The following CCDC7 variants were observed in gnomAD, a reference collection of about 807,000 sequenced individuals.
The protein encoded by CCDC7 is coiled-coil domain-containing protein 7.
CCDC7 carries 183 observed loss-of-function variants against 196.9 expected under a neutral mutation model. The observed-to-expected ratio is 0.93, with a 90% CI of 0.82 to 1.05. The LOEUF is 1.05. Among genes scored for constraint, CCDC7 ranks in the 50% least tolerant of loss-of-function variants. The pLI, the probability that CCDC7 is intolerant of heterozygous loss-of-function variation, is 0.00. For synonymous variants in CCDC7, 525 were observed against 484.6 expected (o/e 1.08, Z -1.10); for missense variants, 1,540 against 1,482.2 (o/e 1.04, Z -0.64).
intron 9 of CCDC7, among the ~76,000 whole-genome samples, chr10:32,509,507 A>C (rs559124747): frequency 8.7e-4 from 101 of 115,932 alleles, no homozygotes; most frequent in African/African-American, 3.0e-3. Flanking sequence ...ATTTTTTTGG[A>C]CATTACACCA....
chr10:32,794,770 G>A (rs1047488986), intron 29 of CCDC7, among the ~76,000 whole-genome samples: 1 of 152,080 alleles, frequency 6.6e-6, no homozygotes, highest in African/African-American at 2.4e-5. Flanking sequence ...TTTTAATGGG[G>A]TTATTTGCTT....
chr10:32,786,161 T>C (rs2081837647), intron 29 of CCDC7, among the ~76,000 whole-genome samples: 2 of 152,182 alleles, frequency 1.3e-5, no homozygotes, highest in African/African-American at 2.4e-5. Flanking sequence ...ACATGAGCTT[T>C]AAGTAACAGA....
At chr10:32,762,986 A>G (rs1225108355) in intron 28 of CCDC7, among the ~76,000 whole-genome samples, 1 of 151,932 alleles carries the variant, frequency 6.6e-6, no homozygotes, top group Non-Finnish European at 1.5e-5. Flanking sequence ...AGAGCACAGG[A>G]CACAAAAGCA....
intron 30 of CCDC7, 40 bp from the exon 32 acceptor site, chr10:32,814,330 G>T (rs1216785391): frequency 3.8e-6 from 5 of 1,301,114 alleles, no homozygotes; most frequent in Non-Finnish European, 4.5e-6. Context: ...GTGTATAAAT[G>T]ATTACCTTAC....
chr10:32,673,654 C>CGT (rs71027102), intron 21 of CCDC7, among the ~76,000 whole-genome samples: 1,510 of 148,010 alleles, frequency 0.01, 30 homozygotes, highest in African/African-American at 0.033. Flanking sequence ...CCATTGTGCA[C>CGT]GTGTGTGTGT....
intron 31 of CCDC7, among the ~76,000 whole-genome samples, chr10:32,820,961 CAA>C (rs921622263): frequency 6.6e-6 from 1 of 152,088 alleles, no homozygotes; most frequent in Admixed American, 6.5e-5. Flanking sequence ...CCTAAATTGA[CAA>C]ATGGGATCTA....
At chr10:32,762,230 A>G (rs957565261) in intron 28 of CCDC7, among the ~76,000 whole-genome samples, 3 of 151,858 alleles carry the variant, frequency 2.0e-5, no homozygotes, top group Non-Finnish European at 4.4e-5. Context: ...AGTGGAGGGA[A>G]CTTGGAAGTC....
chr10:32,591,480 TG>T (rs1165821627), intron 18 of CCDC7, among the ~76,000 whole-genome samples: 1 of 151,172 alleles, frequency 6.6e-6, no homozygotes, highest in Non-Finnish European at 1.5e-5. Flanking sequence ...TAAGAGTTTT[TG>T]TTAGTTTCCT....
At chr10:32,676,372 A>T (rs1225568401) in intron 21 of CCDC7, among the ~76,000 whole-genome samples, 1 of 152,030 alleles carries the variant, frequency 6.6e-6, no homozygotes, top group East Asian at 1.9e-4. Flanking sequence ...GACAAATGGG[A>T]TCTAATTAAA....
chr10:32,851,035 A>G (rs1162734559), intron 39 of CCDC7, among the ~76,000 whole-genome samples: 10 of 152,202 alleles, frequency 6.6e-5, no homozygotes, highest in Admixed American at 6.5e-4. Context: ...AATGGAATGC[A>G]GGCTGGGGCA....
At chr10:32,665,081 C>A (rs1231610900) in intron 21 of CCDC7, among the ~76,000 whole-genome samples, 1 of 151,954 alleles carries the variant, frequency 6.6e-6, no homozygotes, top group Admixed American at 6.6e-5. Flanking sequence ...AACACTTGTT[C>A]ATATACCTGT....
chr10:32,716,414 G>A (rs1445321820), intron 25 of CCDC7, among the ~76,000 whole-genome samples: 5 of 152,204 alleles, frequency 3.3e-5, no homozygotes, highest in South Asian at 2.1e-4. Context: ...AATATGGAAA[G>A]GAAAAACTGG....
At chr10:32,639,540 G>T (rs2066318983) in intron 20 of CCDC7, among the ~76,000 whole-genome samples, 1 of 151,784 alleles carries the variant, frequency 6.6e-6, no homozygotes, top group Non-Finnish European at 1.5e-5. Context: ...TTTCCATGTA[G>T]TTGAGCGGTT....
chr10:32,848,631 C>A, exon 39 of CCDC7: 1 of 1,514,162 alleles, frequency 6.6e-7, no homozygotes, highest in Non-Finnish European at 9.2e-7. Flanking sequence ...TATGTCCGTA[C>A]AACGTCAAGA....
At chr10:32,537,073 C>G (rs1412132954) in intron 11 of CCDC7, among the ~76,000 whole-genome samples, 1 of 152,154 alleles carries the variant, frequency 6.6e-6, no homozygotes, top group African/African-American at 2.4e-5. Context: ...TGAGGAATCA[C>G]TACACTGCTT....
At chr10:32,464,496 GTGTT>G (rs33997704) in intron 5 of CCDC7, among the ~76,000 whole-genome samples, 107 of 151,442 alleles carry the variant, frequency 7.1e-4, no homozygotes, top group Admixed American at 1.2e-3. Context: ...TCAAGACTTT[GTGTT>G]TGTTTGTTTG....
At chr10:32,699,807 A>G (rs928122090) in intron 24 of CCDC7, among the ~76,000 whole-genome samples, 6 of 149,600 alleles carry the variant, frequency 4.0e-5, no homozygotes, top group Non-Finnish European at 8.8e-5. Flanking sequence ...ATGGCCAGTG[A>G]TGATGAGCAT....
chr10:32,560,487 T>C (rs1037918180), intron 13 of CCDC7, among the ~76,000 whole-genome samples: 18 of 152,334 alleles, frequency 1.2e-4, no homozygotes, highest in African/African-American at 4.1e-4. Context: ...GCAGAAACTC[T>C]GCAAGCCAGA....
At chr10:32,860,768 TAACA>T (rs1462961452) in intron 41 of CCDC7, among the ~76,000 whole-genome samples, 3 of 150,930 alleles carry the variant, frequency 2.0e-5, no homozygotes, top group East Asian at 3.9e-4. Context: ...TATACACCAA[TAACA>T]AACAGAGAGC....
Sources: gnomAD v4.1 joint callset for allele counts (sites outside exome capture counted in the v4.1 genomes callset) on GRCh38, gnomAD v4.1.1 for gene constraint, MANE v1.5 for transcripts, NCBI Gene and HGNC (gene_info 2026-07-23, HGNC 2026-07-21) for gene names.